Variants in GHR observed in about 807,000 individuals in gnomAD.
GHR encodes GH receptor.
A neutral mutation model predicts 67.1 loss-of-function variants in GHR; 35 were observed. The observed-to-expected ratio is 0.52, with a 90% confidence interval of 0.40 to 0.69. The LOEUF is 0.69. Among genes scored for constraint, GHR ranks in the 30% least tolerant of loss-of-function variants. GHR has a pLI of 0.00. For missense variants in GHR, 792 were observed against 764.6 expected, an observed-to-expected ratio of 1.04 and a Z score of -0.42; for synonymous variants, 272 against 269.1, an observed-to-expected ratio of 1.01 and a Z score of -0.10.
chr5:42,516,640 A>C (rs1304197770), intron 1 of GHR, among the ~76,000 whole-genome samples: 1 of 152,240 alleles, frequency 6.6e-6, no homozygotes, highest in Non-Finnish European at 1.5e-5. Flanking sequence ...GAGAAAGTTC[A>C]AGAAGGAAAG....
intron 1 of GHR, among the ~76,000 whole-genome samples, chr5:42,551,344 G>A (rs1265130872): frequency 6.6e-6 from 1 of 152,190 alleles, no homozygotes; most frequent in Admixed American, 6.5e-5. Flanking sequence ...AAGTTGCGGT[G>A]GGGAGTCTGG....
chr5:42,700,680 A>G (rs1374081361), intron 6 of GHR, among the ~76,000 whole-genome samples: 1 of 152,058 alleles, frequency 6.6e-6, no homozygotes, highest in African/African-American at 2.4e-5. Flanking sequence ...AATCTGTCTA[A>G]CCACAGCCAC....
chr5:42,466,916 G>T (rs769172923), intron 1 of GHR: 29 of 1,513,258 alleles, frequency 1.9e-5, no homozygotes, highest in Non-Finnish European at 2.5e-5. Context: ...CTGTGGTGTC[G>T]CATGAGGTGT....
intron 1 of GHR, among the ~76,000 whole-genome samples, chr5:42,474,127 A>T (rs1579768092): frequency 6.6e-6 from 1 of 151,126 alleles, no homozygotes; most frequent in African/African-American, 2.4e-5. Flanking sequence ...AGGCAGAGGT[A>T]GTAGTGAGCC....
At chr5:42,494,192 G>T (rs541069610) in intron 1 of GHR, among the ~76,000 whole-genome samples, 104 of 152,222 alleles carry the variant, frequency 6.8e-4, no homozygotes, top group African/African-American at 2.4e-3. Context: ...CCAGCTCCAA[G>T]ATTGGATTTT....
At chr5:42,612,501 C>G (rs1460634889) in intron 2 of GHR, among the ~76,000 whole-genome samples, 1 of 152,030 alleles carries the variant, frequency 6.6e-6, no homozygotes, top group African/African-American at 2.4e-5. Context: ...TTTAATATAT[C>G]AAACTAGCAT....
intron 1 of GHR, among the ~76,000 whole-genome samples, chr5:42,497,543 C>T (rs376333871): frequency 6.6e-6 from 1 of 152,136 alleles, no homozygotes; most frequent in Non-Finnish European, 1.5e-5. Flanking sequence ...TTTGGAGATG[C>T]CATTTAATTG....
intron 1 of GHR, among the ~76,000 whole-genome samples, chr5:42,519,941 C>T (rs1273454968): frequency 6.6e-6 from 1 of 152,164 alleles, no homozygotes; most frequent in Non-Finnish European, 1.5e-5. Context: ...GACATGCATG[C>T]ATGTATTCAG....
intron 2 of GHR, among the ~76,000 whole-genome samples, chr5:42,600,381 T>A (rs1449832558): frequency 6.6e-6 from 1 of 152,214 alleles, no homozygotes; most frequent in East Asian, 1.9e-4. Context: ...ACTGGCTCCA[T>A]AAGGAGCTCT....
chr5:42,474,350 G>GAAAGAAAGAAAAGAAAT lies in GHR; in HGVS notation c.-12+50403_-12+50404insAAAAGAAATAAAGAAAG, dbSNP rs1579770383. 4.2e-5 allele frequency among the ~76,000 whole-genome samples: 6 copies of GAAAGAAAGAAAAGAAAT among 143,662 alleles called. No individual in the cohort carries two copies. In the East Asian group the frequency reaches 1.3e-3, roughly 31 times the overall value. The allele number at this position is 143,662 out of a possible 152,430, so 94.2% of individuals were successfully genotyped here. On this transcript the variant is annotated intron_variant, in intron 1 of 9. Transcript: ENST00000230882. ...GAAAGAAAGAAAGAAAAGAAATAAA[G>GAAAGAAAGAAAAGAAAT]AAAGAAAGCAAAGTGTCTGTCTGCC...
chr5:42,690,003 A>G (rs1482643949), intron 4 of GHR, among the ~76,000 whole-genome samples: 1 of 152,192 alleles, frequency 6.6e-6, no homozygotes, highest in Non-Finnish European at 1.5e-5. Flanking sequence ...TTCACCTGGC[A>G]TTATTTTCAT....
intron 1 of GHR, among the ~76,000 whole-genome samples, chr5:42,502,561 G>A (rs909556092): frequency 1.3e-5 from 2 of 151,800 alleles, no homozygotes; most frequent in African/African-American, 4.8e-5. Flanking sequence ...AGGAATAATG[G>A]CTTAAATAAG....
At chr5:42,499,798 A>G (rs1561078642) in intron 1 of GHR, among the ~76,000 whole-genome samples, 1 of 152,150 alleles carries the variant, frequency 6.6e-6, no homozygotes, top group Non-Finnish European at 1.5e-5. Context: ...AGGAGAAAGG[A>G]GAAGATTTTA....
intron 2 of GHR, among the ~76,000 whole-genome samples, chr5:42,568,533 G>T (rs1370057130): frequency 2.0e-5 from 3 of 152,172 alleles, no homozygotes; most frequent in Non-Finnish European, 4.4e-5. Flanking sequence ...TTGCTAATGA[G>T]AAATGTGCAT....
chr5:42,617,801 T>C (rs1361555063), intron 2 of GHR, among the ~76,000 whole-genome samples: 1 of 152,140 alleles, frequency 6.6e-6, no homozygotes, highest in Non-Finnish European at 1.5e-5. Flanking sequence ...CTTTTGACTT[T>C]TTTCTTTATG....
intron 2 of GHR, among the ~76,000 whole-genome samples, chr5:42,621,644 G>C (rs1272006777): frequency 2.0e-5 from 3 of 152,148 alleles, no homozygotes; most frequent in Non-Finnish European, 4.4e-5. Context: ...GCAAAATGTG[G>C]CTACTGCAGA....
intron 1 of GHR, among the ~76,000 whole-genome samples, chr5:42,488,104 T>C (rs1382241580): frequency 6.6e-6 from 1 of 152,254 alleles, no homozygotes. Context: ...TCCTTCAGCC[T>C]AGTTAGCCTG....
intron 6 of GHR, among the ~76,000 whole-genome samples, chr5:42,706,524 T>C (rs1758183524): frequency 6.6e-6 from 1 of 152,106 alleles, no homozygotes; most frequent in African/African-American, 2.4e-5. Context: ...TAGTTTGGGG[T>C]TTTGCATTTA....
chr5:42,674,716 G>A (rs183791414), intron 3 of GHR, among the ~76,000 whole-genome samples: 1 of 152,150 alleles, frequency 6.6e-6, no homozygotes, highest in Non-Finnish European at 1.5e-5. Flanking sequence ...CTTTATTATA[G>A]GATTATACCA....
Sources: gnomAD v4.1 joint callset for allele counts (sites outside exome capture counted in the v4.1 genomes callset) on GRCh38, gnomAD v4.1.1 for gene constraint, MANE v1.5 for transcripts, NCBI Gene and HGNC (gene_info 2026-07-23, HGNC 2026-07-21) for gene names.